Variants in RHOBTB1 observed in about 807,000 individuals in gnomAD.
RHOBTB1 encodes the protein Rho related BTB domain containing 1.
Under a neutral mutation model 71.6 loss-of-function variants are expected in RHOBTB1, and 40 were observed. The ratio of observed to expected loss-of-function variants is 0.56; its 90% CI spans 0.43 to 0.73. RHOBTB1 has a LOEUF of 0.73. Among genes scored for constraint, RHOBTB1 ranks in the 30% least tolerant of loss-of-function variants. The probability of loss-of-function intolerance (pLI) is 0.00; values close to 1 mark genes in which losing one functional copy is unlikely to be tolerated. For missense variants in RHOBTB1, 797 were observed against 894.0 expected, an observed-to-expected ratio of 0.89 and a Z score of 1.38; for synonymous variants, 319 against 334.9, an observed-to-expected ratio of 0.95 and a Z score of 0.52.
chr10:60,895,444 G>A (rs2082116559), intron 4 of RHOBTB1, among the ~76,000 whole-genome samples: 1 of 151,924 alleles, frequency 6.6e-6, no homozygotes, highest in African/African-American at 2.4e-5. Flanking sequence ...TGCTCTTGTT[G>A]CCCAGGCTGG....
At chr10:60,942,743 G>C (rs1284877586) in intron 1 of RHOBTB1, among the ~76,000 whole-genome samples, 2 of 152,160 alleles carry the variant, frequency 1.3e-5, no homozygotes, top group Admixed American at 1.3e-4. Context: ...AAACTTACCA[G>C]AGTATGTTTA....
chr10:60,890,375 A>C (rs1308640562), intron 5 of RHOBTB1, among the ~76,000 whole-genome samples: 1 of 152,114 alleles, frequency 6.6e-6, no homozygotes, highest in African/African-American at 2.4e-5. Context: ...ACCTGGCGGC[A>C]GTTCTGTTTT....
chr10:60,892,858 C>T lies in RHOBTB1; in HGVS notation c.434G>A (p.Arg145His), dbSNP rs1170034974. Reference sequence around the variant, plus strand: ...ATTAACAGCTTCCAGGTCGGCATAGCGGAGATCAAGCTGGCACCCAACAAG... The same window carrying T: ...ATTAACAGCTTCCAGGTCGGCATAGTGGAGATCAAGCTGGCACCCAACAAG... ...VILVGCQLDL[R>H]YADLEAVNRA... The change falls in exon 5 of 11, where the codon CGC becomes CAC. Residue 145 changes from arginine (R) to histidine (H), a missense_variant. Transcript: ENST00000337910. The T allele has an allele frequency of 2.5e-6, 4 of 1,613,842 alleles. No homozygotes were observed. The highest frequency in any genetic ancestry group is 1.1e-5 in the South Asian group (1 of 91,038).
intron 2 of RHOBTB1, among the ~76,000 whole-genome samples, chr10:60,915,762 C>A (rs1177274624): frequency 2.6e-5 from 4 of 152,152 alleles, no homozygotes; most frequent in Non-Finnish European, 5.9e-5. Flanking sequence ...TCATCCTATA[C>A]CTGCCCGCTA....
At chr10:60,920,077 T>C (rs1314994578) in intron 2 of RHOBTB1, among the ~76,000 whole-genome samples, 1 of 152,214 alleles carries the variant, frequency 6.6e-6, no homozygotes, top group African/African-American at 2.4e-5. Context: ...ACCTCTCCTT[T>C]GACAATTTGC....
chr10:60,980,967 G>A (rs1341783358), intron 2 of RHOBTB1, among the ~76,000 whole-genome samples: 1 of 152,056 alleles, frequency 6.6e-6, no homozygotes, highest in Non-Finnish European at 1.5e-5. Context: ...ATTAAAAAGT[G>A]GATTATCAAC....
chr10:60,910,924 CA>C lies in RHOBTB1; in HGVS notation c.258del (p.Phe86LeufsTer30). On this transcript the variant is annotated frameshift_variant, in exon 4 of 11. Transcript: ENST00000337910. LOFTEE classifies it high-confidence loss of function. Reference protein sequence around the residue: ...VSVSLRLWDTFGDHHKDRRFA... With the variant: ...VSVSLRLWDTXGDHHKDRRFA... ...AAGCGTCTGTCTTTGTGATGATCAC[CA>C]AAAGTATCCCAAAGCCTGAGAGAAA... 6.2e-7 allele frequency: 1 copy of C among 1,614,030 alleles called. No homozygotes were observed. The highest frequency in any genetic ancestry group is 8.5e-7 in the Non-Finnish European group (1 of 1,180,000).
intron 1 of RHOBTB1, among the ~76,000 whole-genome samples, chr10:60,942,940 A>G (rs2084987976): frequency 6.6e-6 from 1 of 151,778 alleles, no homozygotes; most frequent in African/African-American, 2.4e-5. Flanking sequence ...GCCCCAAACC[A>G]GTGAAATCTC....
At chr10:60,934,555 T>A (rs939579002) in intron 2 of RHOBTB1, among the ~76,000 whole-genome samples, 3 of 152,246 alleles carry the variant, frequency 2.0e-5, no homozygotes, top group Non-Finnish European at 4.4e-5. Flanking sequence ...CCTGGTCTAC[T>A]TCAAATAAAT....
At position 60,998,041 on chromosome 10, in the gene RHOBTB1, C is replaced by T. The variant is rs141437380; in HGVS notation, c.-163+3358G>A. Among the ~76,000 whole-genome samples the T allele has an allele frequency of 1.0e-3, 159 of 152,216 alleles. 2 individuals are homozygous for T. In the South Asian group the frequency reaches 0.016, roughly 15 times the overall value. On this transcript the variant is annotated intron_variant, in intron 1 of 11. Coordinates refer to the RHOBTB1 transcript ENST00000357917. ...CTGATCTCTAAGGTATTGTCTAGAC[C>T]TAAATTTCTATTATCATTCTGAGCT...
At chr10:60,918,821 C>T (rs2083405374) in intron 2 of RHOBTB1, among the ~76,000 whole-genome samples, 1 of 151,728 alleles carries the variant, frequency 6.6e-6, no homozygotes, top group Non-Finnish European at 1.5e-5. Flanking sequence ...TCTTGGCTCA[C>T]CACAAACCTC....
intron 1 of RHOBTB1, among the ~76,000 whole-genome samples, chr10:60,994,998 A>G (rs1392763875): frequency 6.6e-6 from 1 of 151,942 alleles, no homozygotes; most frequent in Admixed American, 6.5e-5. Context: ...TTTCCAAGCC[A>G]TGGAGTAACA....
At chr10:60,957,287 T>TATTAA (rs2085627058) in intron 2 of RHOBTB1, among the ~76,000 whole-genome samples, 2 of 152,200 alleles carry the variant, frequency 1.3e-5, no homozygotes, top group Admixed American at 1.3e-4. Flanking sequence ...TATTAATATG[T>TATTAA]TCTATACTTT....
In RHOBTB1 at chr10:60,918,746, T is replaced by C. The variant is rs563821870; in HGVS notation, c.-10-7194A>G. On this transcript the variant is annotated intron_variant, in intron 2 of 10. Transcript: ENST00000337910. ...TTATATTTGCATTTCTTTTCTTTTC[T>C]TTTTCTTTTTTTTTTTTGAGATGGA... Among the ~76,000 whole-genome samples, 658 of 149,742 alleles carry C rather than the reference T, an allele frequency of 4.4e-3. 2 individuals are homozygous for C. Among genetic ancestry groups the C allele is most frequent in the Non-Finnish European group, 7.3e-3 (494 of 67,818 alleles).
chr10:60,993,434 C>T (rs578068513), intron 1 of RHOBTB1, among the ~76,000 whole-genome samples: 1 of 152,260 alleles, frequency 6.6e-6, no homozygotes, highest in African/African-American at 2.4e-5. Context: ...CTATTATATA[C>T]ATATGCATAT....
chr10:60,877,612 T>A (rs1233838124), intron 8 of RHOBTB1, among the ~76,000 whole-genome samples: 2 of 152,166 alleles, frequency 1.3e-5, no homozygotes, highest in East Asian at 3.9e-4. Flanking sequence ...AACTCTGGGG[T>A]GCACAAATGA....
In RHOBTB1 at chr10:60,922,556, A is replaced by G. The variant is rs144012256; in HGVS notation, c.-10-11004T>C. Among the ~76,000 whole-genome samples, 272 of 152,316 alleles carry G rather than the reference A, an allele frequency of 1.8e-3. 1 individual carries two copies. Among genetic ancestry groups the G allele is most frequent in the African/African-American group, 6.0e-3 (249 of 41,580 alleles). On this transcript the variant is annotated intron_variant, in intron 2 of 10. Transcript: ENST00000337910. ...AGCAGACTGCCATGTCCACGGGGAA[A>G]AGAATTGGCCCAGGAAGTAGGGAGA...
chr10:60,918,761 T>G (rs2083401812), intron 2 of RHOBTB1, among the ~76,000 whole-genome samples: 1 of 151,896 alleles, frequency 6.6e-6, no homozygotes, highest in Non-Finnish European at 1.5e-5. Flanking sequence ...CTTTTTTTTT[T>G]TTGAGATGGA....
chr10:60,896,047 A>G (rs1002284054), intron 4 of RHOBTB1, among the ~76,000 whole-genome samples: 1 of 152,230 alleles, frequency 6.6e-6, no homozygotes, highest in African/African-American at 2.4e-5. Flanking sequence ...TATTCCCTCT[A>G]GATTTTGAGC....
Sources: gnomAD v4.1 joint callset for allele counts (sites outside exome capture counted in the v4.1 genomes callset) on GRCh38, gnomAD v4.1.1 for gene constraint, MANE v1.5 for transcripts, NCBI Gene and HGNC (gene_info 2026-07-23, HGNC 2026-07-21) for gene names.